The following CACNA1B variants were observed in gnomAD, a reference collection of about 807,000 sequenced individuals.
CACNA1B encodes the protein calcium voltage-gated channel subunit alpha1 B.
In CACNA1B, 70 loss-of-function variants were observed where a neutral mutation model predicts 247.2. That is an observed-to-expected ratio of 0.28 (90% CI 0.23 to 0.35). CACNA1B has a LOEUF of 0.35. Among genes scored for constraint, CACNA1B ranks in the 10% least tolerant of loss-of-function variants. The pLI, the probability that CACNA1B is intolerant of heterozygous loss-of-function variation, is 1.00. For missense variants in CACNA1B, 2,367 were observed against 3,197.4 expected (o/e 0.74, Z 6.26); for synonymous variants, 1,231 against 1,294.4 (o/e 0.95, Z 1.05).
chr9:137,934,771 T>C (rs754271813), intron 6 of CACNA1B, among the ~76,000 whole-genome samples: 27 of 152,038 alleles, frequency 1.8e-4, no homozygotes, highest in Non-Finnish European at 2.6e-4. Flanking sequence ...TCTAGGAAAA[T>C]GGGGAGAGTA....
In CACNA1B at chr9:138,057,568, A is replaced by G. The variant is rs76363514; in HGVS notation, c.3969-164A>G. ...GAGTTAATTTTTGTCTATGGAGTAAAGTAGGGTCACATTCATTCTTCTGCA... is the reference window on the plus strand; with the variant it reads ...GAGTTAATTTTTGTCTATGGAGTAAGGTAGGGTCACATTCATTCTTCTGCA... On this transcript the variant is annotated intron_variant, in intron 26 of 46. Transcript: ENST00000371372. This position sits in a 1 kb window ranked among gnomAD's most constrained non-coding sequence, Gnocchi z 4.0. Among the ~76,000 whole-genome samples, 56 of 152,330 alleles carry G rather than the reference A, an allele frequency of 3.7e-4. 2 individuals are homozygous for G. The East Asian group carries it at 9.8e-3, about 27-fold the overall frequency.
At chr9:138,039,188 T>G (rs1208292426) in intron 20 of CACNA1B, among the ~76,000 whole-genome samples, 1 of 151,066 alleles carries the variant, frequency 6.6e-6, no homozygotes, top group Non-Finnish European at 1.5e-5. Context: ...AGGGCAAGAC[T>G]CCGTCTCAAA....
intron 20 of CACNA1B, among the ~76,000 whole-genome samples, chr9:138,041,186 C>T (rs1420779097): frequency 2.0e-5 from 3 of 152,168 alleles, no homozygotes; most frequent in South Asian, 2.1e-4. Context: ...ACTTTAGCCC[C>T]GCTTTGGGGA....
rs1462919164 is a variant in CACNA1B, at chr9:137,974,758, C to T, written c.1544-1149C>T. Among the ~76,000 whole-genome samples, 3 of 152,224 alleles carry T rather than the reference C, an allele frequency of 2.0e-5. No homozygotes were observed. The highest frequency in any genetic ancestry group is 7.2e-5 in the African/African-American group (3 of 41,470). On this transcript the variant is annotated intron_variant, in intron 11 of 46. Coordinates refer to ENST00000371372, the MANE Select transcript of CACNA1B (RefSeq NM_000718.4). This position sits in a 1 kb window ranked among gnomAD's most constrained non-coding sequence, Gnocchi z 4.5. Reference sequence around the variant, plus strand: ...GGGGGATTCAGAAGCCCTGGGAAGGCCGAGCTGGACTCTGCCCAGTTGTGG... The same window carrying T: ...GGGGGATTCAGAAGCCCTGGGAAGGTCGAGCTGGACTCTGCCCAGTTGTGG...
intron 35 of CACNA1B, among the ~76,000 whole-genome samples, chr9:138,076,725 C>G (rs12551148): frequency 2.0e-5 from 3 of 152,322 alleles, no homozygotes; most frequent in East Asian, 3.9e-4. Flanking sequence ...TTATCACTCA[C>G]GAGCCTAGGA....
At position 138,023,525 on chromosome 9, in the gene CACNA1B, G is replaced by A. The variant is rs1378293731; in HGVS notation, c.2782G>A (p.Ala928Thr). 9.3e-7 allele frequency: 1 copy of A among 1,076,562 alleles called. No individual in the cohort carries two copies. The highest frequency in any genetic ancestry group is 1.1e-6 in the Non-Finnish European group (1 of 889,646). 66.7% of individuals were successfully genotyped at this position (1,076,562 alleles called of 1,614,324 possible). Residue 928 changes from alanine (A) to threonine (T), a missense_variant, in exon 19 of 47, where the codon GCC (alanine) becomes ACC (threonine). Transcript: ENST00000371372. The stretch of plus-strand genomic sequence containing the variant: ...CCGGCGCGGCTCCCCGGAGGAGGCG[G>A]CCGAGCGGGAGCCCCGACGCCACCG... ...HHRRGSPEEAAEREPRRHRAH... is the reference protein window; with the variant it reads ...HHRRGSPEEATEREPRRHRAH...
rs1035827653 is a variant in CACNA1B, at chr9:137,917,629, C to G, written c.966+198C>G. On this transcript the variant is annotated intron_variant, in intron 6 of 46. Transcript: ENST00000371372. The surrounding 1 kb of genome is among the most constrained non-coding windows in gnomAD (Gnocchi z 5.5). Reference sequence around the variant, plus strand: ...AAGGGTCCACCACAGGCAGCCTCAGCTCAGACTCCTGAGGTGGGTCCTCCT... The same window carrying G: ...AAGGGTCCACCACAGGCAGCCTCAGGTCAGACTCCTGAGGTGGGTCCTCCT... 1.3e-5 allele frequency among the ~76,000 whole-genome samples: 2 copies of G among 152,228 alleles called. No individual in the cohort carries two copies. Among genetic ancestry groups the G allele is most frequent in the African/African-American group, 4.8e-5 (2 of 41,456 alleles).
chr9:138,051,978 T>A lies in CACNA1B; in HGVS notation c.3711-114T>A, dbSNP rs1373040142. 4.7e-6 allele frequency: 3 copies of A among 637,916 alleles called. No homozygotes were observed. Among genetic ancestry groups the A allele is most frequent in the Non-Finnish European group, 8.6e-6 (3 of 349,718 alleles). 39.5% of individuals were successfully genotyped at this position (637,916 alleles called of 1,614,324 possible). On this transcript the variant is annotated intron_variant, in intron 24 of 46. Transcript: ENST00000371372. This position sits in a 1 kb window ranked among gnomAD's most constrained non-coding sequence, Gnocchi z 4.3. ...CTCTCTGCTCCTGGGTCCTCCACCC[T>A]GGAGTCTGAGACAAAATGCACAGGG...
In CACNA1B at chr9:138,006,649, T is replaced by TGTGGACGTGGCAGTGCGC. The variant is rs1958654443; in HGVS notation, c.1975-106_1975-89dup. 2.0e-5 allele frequency: 13 copies of TGTGGACGTGGCAGTGCGC among 664,690 alleles called. No individual in the cohort carries two copies. In the South Asian group the frequency reaches 2.0e-4, roughly 10 times the overall value. 41.2% of individuals were successfully genotyped at this position (664,690 alleles called of 1,614,324 possible). A position where few individuals can be genotyped will look rare whatever the true frequency, so the allele number is the denominator to read the frequency against. On this transcript the variant is annotated intron_variant, in intron 15 of 46. Transcript: ENST00000371372. The stretch of plus-strand genomic sequence containing the variant: ...TCATCTAAAGACCTGGATGTGCATG[T>TGTGGACGTGGCAGTGCGC]GTGGACGTGGCAGTGCGCGTGGACG...
intron 36 of CACNA1B, among the ~76,000 whole-genome samples, chr9:138,095,490 A>G (rs1305725306): frequency 4.6e-5 from 7 of 152,224 alleles, no homozygotes; most frequent in South Asian, 2.1e-4. Flanking sequence ...GGATGTGGAG[A>G]AGGAGGAACT....
chr9:138,006,712 G>A (rs1564234218), intron 15 of CACNA1B, 55 bp from the exon 16 acceptor site: 7 of 948,108 alleles, frequency 7.4e-6, no homozygotes. Flanking sequence ...GGGGGTGCGT[G>A]TGTGTGGGGA....
intron 15 of CACNA1B, among the ~76,000 whole-genome samples, chr9:138,000,231 T>C (rs1958552690): frequency 6.6e-6 from 1 of 151,664 alleles, no homozygotes; most frequent in Admixed American, 6.6e-5. Flanking sequence ...CCCGAGTGGC[T>C]GGGACTACAG....
rs1354082853 is a variant in CACNA1B at position 138,013,202 on chromosome 9, G to A, written c.2234G>A (p.Ser745Asn). Residue 745 changes from serine to asparagine, a missense_variant, in exon 18 of 47, where the codon AGC (serine) becomes AAC (asparagine). Ser to Asn is a conservative substitution (Grantham distance 46, BLOSUM62 1). Around this residue, in one of 12 missense-constraint regions of CACNA1B, gnomAD observed 631 missense variants for 631.1 expected, o/e 1.00. Coordinates refer to ENST00000371372, the MANE Select transcript of CACNA1B (RefSeq NM_000718.4). ...AAGGCCAAAGAAGTGGCTGAAGTCA[G>A]CCCCATGTCTGCCGCGAACATCTCC... is the stretch of plus-strand genomic sequence containing the variant. ...LQKAKEVAEVSPMSAANISIA... is the reference protein window; with the variant it reads ...LQKAKEVAEVNPMSAANISIA... 2 of 1,607,692 alleles carry A rather than the reference G, an allele frequency of 1.2e-6. No homozygotes were observed. Among genetic ancestry groups the A allele is most frequent in the Non-Finnish European group, 1.7e-6 (2 of 1,177,222 alleles).
chr9:137,985,352 A>G (rs1958344439), intron 13 of CACNA1B, among the ~76,000 whole-genome samples: 1 of 152,102 alleles, frequency 6.6e-6, no homozygotes, highest in South Asian at 2.1e-4. Context: ...CCTTCCCAGA[A>G]CTTGCTGGTG....
In CACNA1B at chr9:138,052,249, CGTGT is replaced by C. The variant is rs140068697; in HGVS notation, c.3807+72_3807+75del. On this transcript the variant is annotated intron_variant, in intron 25 of 46. Coordinates refer to ENST00000371372, the MANE Select transcript of CACNA1B (RefSeq NM_000718.4). The surrounding 1 kb of genome is among the most constrained non-coding windows in gnomAD (Gnocchi z 5.1). ...GTGTGTGTGTGCGTGTGTGTGTGTGCGTGTGTGTGTGTGTATGCATGCAGTGCAT... is the reference window on the plus strand; with the variant it reads ...GTGTGTGTGTGCGTGTGTGTGTGTGCGTGTGTGTGTATGCATGCAGTGCAT... 3.3e-4 allele frequency: 258 copies of C among 779,210 alleles called. 1 individual carries two copies. Among genetic ancestry groups the C allele is most frequent in the Non-Finnish European group, 1.1e-4 (52 of 464,644 alleles). The allele number at this position is 779,210 out of a possible 1,614,324, so 48.3% of individuals were successfully genotyped here.
At position 137,909,404 on chromosome 9, in the gene CACNA1B, A is replaced by G. The variant is rs994213636; in HGVS notation, c.531-3776A>G. Among the ~76,000 whole-genome samples the G allele has an allele frequency of 6.6e-5, 10 of 152,304 alleles. No individual in the cohort carries two copies. In the South Asian group the frequency reaches 2.1e-3, roughly 32 times the overall value. ...TAGCGCTAATTTACTTACTGTCTCT[A>G]TGAATTTGCCTCTTCCAGGTACCTC... On this transcript the variant is annotated intron_variant, in intron 3 of 46. Coordinates refer to ENST00000371372, the MANE Select transcript of CACNA1B (RefSeq NM_000718.4).
At position 138,052,235 on chromosome 9, in the gene CACNA1B, C is replaced by CGT. The variant is rs750199564; in HGVS notation, c.3807+59_3807+60dup. 150 of 947,216 alleles carry CGT rather than the reference C, an allele frequency of 1.6e-4. No homozygotes were observed. Among genetic ancestry groups the CGT allele is most frequent in the South Asian group, 7.8e-4 (55 of 70,744 alleles). The allele number at this position is 947,216 out of a possible 1,614,324, so 58.7% of individuals were successfully genotyped here. A position where few individuals can be genotyped will look rare whatever the true frequency, so the allele number is the denominator to read the frequency against. ...TTGAGGGATGTGCTGTGTGTGTGTGCGTGTGTGTGTGTGCGTGTGTGTGTG... is the reference window on the plus strand; with the variant it reads ...TTGAGGGATGTGCTGTGTGTGTGTGCGTGTGTGTGTGTGTGCGTGTGTGTGTG... On this transcript the variant is annotated intron_variant, in intron 25 of 46. Coordinates refer to ENST00000371372, the MANE Select transcript of CACNA1B (RefSeq NM_000718.4). This position sits in a 1 kb window ranked among gnomAD's most constrained non-coding sequence, Gnocchi z 5.1.
rs991215879 is a variant in CACNA1B at position 137,974,290 on chromosome 9, C to T, written c.1544-1617C>T. 2.0e-5 allele frequency among the ~76,000 whole-genome samples: 3 copies of T among 152,156 alleles called. No individual in the cohort carries two copies. Among genetic ancestry groups the T allele is most frequent in the Admixed American group, 6.5e-5 (1 of 15,288 alleles). On this transcript the variant is annotated intron_variant, in intron 11 of 46. Coordinates refer to ENST00000371372, the MANE Select transcript of CACNA1B (RefSeq NM_000718.4). The surrounding 1 kb of genome is among the most constrained non-coding windows in gnomAD (Gnocchi z 4.5). ...TTCCCGAGCAGCCCTGCCTGAGGGT[C>T]GCTGGGCATCCATGCCTCTCACAGG...
intron 10 of CACNA1B, among the ~76,000 whole-genome samples, chr9:137,967,355 G>A (rs188091254): frequency 3.9e-5 from 6 of 152,230 alleles, no homozygotes; most frequent in Admixed American, 3.9e-4. Flanking sequence ...CTGGTTTGAG[G>A]GTGTTCACTT....
Sources: allele counts gnomAD v4.1 joint callset (sites outside exome capture counted in the v4.1 genomes callset), GRCh38; gene constraint gnomAD v4.1.1; regional missense constraint gnomAD v4.1.1; non-coding constraint Gnocchi (gnomAD v3.1); transcripts MANE v1.5; gene names NCBI Gene and HGNC (gene_info 2026-07-23, HGNC 2026-07-21).